Variants in AS3MT observed in about 807,000 individuals in gnomAD.
AS3MT encodes the protein S-adenosyl-L-methionine:arsenic(III) methyltransferase.
Under a neutral mutation model 45.3 loss-of-function variants are expected in AS3MT, and 47 were observed. That is an observed-to-expected ratio of 1.04 (90% confidence interval 0.82 to 1.32). The LOEUF (loss-of-function observed/expected upper bound fraction) is 1.32, where lower values mean the gene tolerates loss of function less well. Among genes scored for constraint, AS3MT ranks in the 40% most tolerant of loss-of-function variants. The probability of loss-of-function intolerance (pLI) is 0.00; values close to 1 mark genes in which losing one functional copy is unlikely to be tolerated. For missense variants in AS3MT, 396 were observed against 451.1 expected, an observed-to-expected ratio of 0.88 and a Z score of 1.11; for synonymous variants, 141 against 152.8, an observed-to-expected ratio of 0.92 and a Z score of 0.57.
At position 102,873,141 on chromosome 10, in the gene AS3MT, T is replaced by C. The variant is rs751924733; in HGVS notation, c.366T>C (p.Tyr122=). ...EKYLDYHMEK[Y]GFQASNVTFI... ...ATCTTGACTATCACATGGAAAAATA[T>C]GGCTTCCAGGCATCTAATGTGACTT... Residue 122 remains tyrosine (Y), a synonymous_variant, in exon 5 of 11, where the codon TAT becomes TAC. Coordinates refer to ENST00000369880, the MANE Select transcript of AS3MT (RefSeq NM_020682.4). 1.0e-5 allele frequency: 16 copies of C among 1,606,986 alleles called. No homozygotes were observed. The highest frequency in any genetic ancestry group is 1.4e-5 in the Non-Finnish European group (16 of 1,178,172).
At chr10:102,896,808 C>CAAAAAA (rs71019628) in intron 10 of AS3MT, among the ~76,000 whole-genome samples, 1 of 120,744 alleles carries the variant, frequency 8.3e-6, no homozygotes. Flanking sequence ...GACTCCATCT[C>CAAAAAA]AAAAAAAAAA....
chr10:102,891,058 T>C (rs1482529744), intron 10 of AS3MT, among the ~76,000 whole-genome samples: 2 of 152,170 alleles, frequency 1.3e-5, no homozygotes, highest in African/African-American at 4.8e-5. Context: ...TGGTCAAATG[T>C]TGTTAGACGG....
At position 102,900,713 on chromosome 10, in the gene AS3MT, CCAGGGGACCA is replaced by C; in HGVS notation, c.*17_*26del. On this transcript the variant is annotated 3_prime_UTR_variant, in exon 11 of 11. Coordinates refer to ENST00000369880, the MANE Select transcript of AS3MT (RefSeq NM_020682.4). ...GAAAAGCTGCTAAATCTATAGCCAA[CCAGGGGACCA>C]CAGTAGTGGGCAAGAGTGATCTGCA... 6.3e-7 allele frequency: 1 copy of C among 1,597,692 alleles called. No individual in the cohort carries two copies. The highest frequency in any genetic ancestry group is 8.6e-7 in the Non-Finnish European group (1 of 1,165,216).
chr10:102,871,616 T>C (rs1433366748), intron 3 of AS3MT, among the ~76,000 whole-genome samples: 2 of 135,848 alleles, frequency 1.5e-5, no homozygotes, highest in African/African-American at 5.6e-5. Context: ...TAGTCCTAGC[T>C]ACTCGGGAGG....
In AS3MT at chr10:102,877,024, A is replaced by G. The variant is rs1245083068; in HGVS notation, c.599A>G (p.Lys200Arg). 5 of 1,613,934 alleles carry G rather than the reference A, an allele frequency of 3.1e-6. No homozygotes were observed. Among genetic ancestry groups the G allele is most frequent in the Non-Finnish European group, 3.4e-6 (4 of 1,179,936 alleles). Residue 200 changes from lysine to arginine, a missense_variant, in exon 7 of 11, where the codon AAA becomes AGA. Lys to Arg is a conservative substitution (Grantham distance 26). Transcript: ENST00000369880. ...CTGCCAGAAGAAATCAGGACACACA[A>G]AGTTTTATGGGGTAGGTGATTTTGT... is the stretch of plus-strand genomic sequence containing the variant. ...LELPEEIRTH[K>R]VLWGECLGGA...
intron 10 of AS3MT, among the ~76,000 whole-genome samples, chr10:102,899,399 A>C (rs921830974): frequency 2.5e-4 from 38 of 152,334 alleles, no homozygotes; most frequent in African/African-American, 8.9e-4. Flanking sequence ...GCCTTCTTCC[A>C]GGCTTGGAGA....
chr10:102,893,082 G>A (rs1004879031), intron 10 of AS3MT, among the ~76,000 whole-genome samples: 2 of 150,110 alleles, frequency 1.3e-5, no homozygotes, highest in South Asian at 2.1e-4. Context: ...GTAGCACAAC[G>A]GAAGTCTCTA....
intron 9 of AS3MT, among the ~76,000 whole-genome samples, chr10:102,886,961 T>G (rs769487528): frequency 1.2e-4 from 18 of 152,222 alleles, no homozygotes; most frequent in Non-Finnish European, 1.9e-4. Flanking sequence ...GATATAGGCA[T>G]TTATTGCTAT....
At chr10:102,880,966 A>C (rs1844860840) in intron 9 of AS3MT, among the ~76,000 whole-genome samples, 1 of 152,196 alleles carries the variant, frequency 6.6e-6, no homozygotes, top group African/African-American at 2.4e-5. Context: ...AGTATCTGCA[A>C]ATATAGCTAA....
chr10:102,890,776 T>G, intron 10 of AS3MT, 98 bp downstream of exon 10: 2 of 1,213,548 alleles, frequency 1.6e-6, no homozygotes, highest in South Asian at 3.3e-5. Context: ...AGTGGTGTGA[T>G]CTTGGCTCAC....
At chr10:102,876,640 T>C (rs1306233822) in intron 6 of AS3MT, among the ~76,000 whole-genome samples, 1 of 152,202 alleles carries the variant, frequency 6.6e-6, no homozygotes, top group Non-Finnish European at 1.5e-5. Context: ...TGTTCTACAA[T>C]GACCTGGGGC....
intron 9 of AS3MT, among the ~76,000 whole-genome samples, chr10:102,879,764 A>G (rs1424332667): frequency 4.7e-5 from 6 of 128,186 alleles, no homozygotes; most frequent in Non-Finnish European, 6.8e-5. Context: ...GTGAGACTCC[A>G]TCTCAAAAAA....
At chr10:102,886,042 T>C (rs1206177919) in intron 9 of AS3MT, among the ~76,000 whole-genome samples, 2 of 152,156 alleles carry the variant, frequency 1.3e-5, no homozygotes, top group African/African-American at 4.8e-5. Flanking sequence ...TATCCGTTCA[T>C]CTGTTTGAGT....
At chr10:102,895,500 T>A (rs560320912) in intron 10 of AS3MT, among the ~76,000 whole-genome samples, 13 of 151,812 alleles carry the variant, frequency 8.6e-5, no homozygotes, top group Non-Finnish European at 1.8e-4. Flanking sequence ...CACGCCCGGG[T>A]CTTTCTAGTT....
Position 102,870,056 on chromosome 10 carries a change from C to G in AS3MT, c.43-28C>G, listed in dbSNP as rs771145014. 3.7e-5 allele frequency: 59 copies of G among 1,612,204 alleles called. 1 individual carries two copies. The South Asian group carries it at 6.2e-4, about 17-fold the overall frequency. ...TCACAGCTCTTCTCCCTCTCTACCC[C>G]TCACTCCACTGTGGGACGCTGGGTC... On this transcript the variant is annotated intron_variant, in intron 2 of 10. Transcript: ENST00000369880.
Position 102,881,375 on chromosome 10 carries a change from AT to A in AS3MT, c.885+2385del, listed in dbSNP as rs570543959. Among the ~76,000 whole-genome samples, 18 of 152,356 alleles carry A rather than the reference AT, an allele frequency of 1.2e-4. No individual in the cohort carries two copies. In the South Asian group the frequency reaches 3.5e-3, roughly 30 times the overall value. On this transcript the variant is annotated intron_variant, in intron 9 of 10. Transcript: ENST00000369880. This position sits in a 1 kb window ranked among gnomAD's most constrained non-coding sequence, Gnocchi z 4.2. ...TGAATCCAGAACAAAATTATGCTAA[AT>A]CTCTCTGGTAATTAACTAAATAAAA...
At chr10:102,869,907 G>A in intron 2 of AS3MT, 62 bp downstream of exon 2, 1 of 1,602,984 alleles carries the variant, frequency 6.2e-7, no homozygotes, top group Non-Finnish European at 8.5e-7. Context: ...GTCTGGCCTG[G>A]CCCGCACCCT....
At chr10:102,888,862 TA>T (rs1845004122) in intron 9 of AS3MT, among the ~76,000 whole-genome samples, 1 of 80,606 alleles carries the variant, frequency 1.2e-5, no homozygotes, top group African/African-American at 5.5e-5. Context: ...TATATATATA[TA>T]TATATATATA....
At chr10:102,879,446 C>T (rs558284714) in intron 9 of AS3MT, among the ~76,000 whole-genome samples, 4 of 152,060 alleles carry the variant, frequency 2.6e-5, no homozygotes, top group East Asian at 2.0e-4. Context: ...CGTGAACCAC[C>T]GTGCCCAGCC....
Sources: gnomAD v4.1 joint callset for allele counts (sites outside exome capture counted in the v4.1 genomes callset) on GRCh38, gnomAD v4.1.1 for gene constraint, Gnocchi (gnomAD v3.1) non-coding constraint, MANE v1.5 for transcripts, NCBI Gene and HGNC (gene_info 2026-07-23, HGNC 2026-07-21) for gene names.